The following MME variants were observed in gnomAD, a reference collection of about 807,000 sequenced individuals.
MME encodes the protein neprilysin.
A neutral mutation model predicts 113.2 loss-of-function variants in MME; 98 were observed. The ratio of observed to expected loss-of-function variants is 0.87; its 90% CI spans 0.74 to 1.02. The LOEUF is 1.02. Among genes scored for constraint, MME ranks in the 50% least tolerant of loss-of-function variants. The pLI, the probability that MME is intolerant of heterozygous loss-of-function variation, is 0.00. For missense variants in MME, 836 were observed against 896.0 expected (o/e 0.93, Z 0.86); for synonymous variants, 292 against 300.6 (o/e 0.97, Z 0.30).
At chr3:155,099,020 G>C (rs1716984002) in intron 3 of MME, among the ~76,000 whole-genome samples, 1 of 152,128 alleles carries the variant, frequency 6.6e-6, no homozygotes, top group Non-Finnish European at 1.5e-5. Flanking sequence ...GCTTAAATAA[G>C]CAGAGTGGAC....
chr3:155,085,387 CAT>C (rs1364105248), intron 3 of MME: 1 of 232,688 alleles, frequency 4.3e-6, no homozygotes, highest in Non-Finnish European at 8.3e-6. Context: ...AAAATGAACA[CAT>C]ATGAAATGGT....
intron 22 of MME, among the ~76,000 whole-genome samples, chr3:155,178,739 A>G (rs1441723577): frequency 6.6e-6 from 1 of 152,166 alleles, no homozygotes; most frequent in Non-Finnish European, 1.5e-5. Flanking sequence ...TCTCCCTCCT[A>G]TACTTTGTCA....
At chr3:155,054,087 AT>A (rs1315343505) in intron 1 of MME, among the ~76,000 whole-genome samples, 2 of 152,166 alleles carry the variant, frequency 1.3e-5, no homozygotes, top group African/African-American at 4.8e-5. Context: ...GAATAAATTT[AT>A]GTTGTTGTGT....
At chr3:155,087,377 C>G (rs936150059) in intron 3 of MME, among the ~76,000 whole-genome samples, 1 of 151,378 alleles carries the variant, frequency 6.6e-6, no homozygotes, top group Admixed American at 6.6e-5. Flanking sequence ...TAGCCATTTG[C>G]TGCTCGACAT....
chr3:155,037,143 C>T (rs1713154798), intron 1 of MME, among the ~76,000 whole-genome samples: 1 of 152,164 alleles, frequency 6.6e-6, no homozygotes, highest in Non-Finnish European at 1.5e-5. Context: ...GCAAGACTTG[C>T]TTTGACCCTC....
chr3:155,148,702 C>T, intron 16 of MME, 49 bp downstream of exon 16: 1 of 1,364,758 alleles, frequency 7.3e-7, no homozygotes, highest in East Asian at 2.3e-5. Flanking sequence ...CAGGTCTTTC[C>T]CTCCTTTCTT....
At position 155,160,435 on chromosome 3, in the gene MME, A is replaced by G. The variant is rs1268314328; in HGVS notation, c.1647A>G (p.Gly549=). Residue 549 remains glycine, a synonymous_variant, in exon 17 of 23, where the codon GGA becomes GGG. Coordinates refer to ENST00000360490, the MANE Select transcript of MME (RefSeq NM_007289.4). ...TAGTCAATGCATTTTACTCTTCAGG[A>G]AGAAATCAGATAGGTAAGGTGTATT... is the stretch of plus-strand genomic sequence containing the variant. ...AAVVNAFYSS[G]RNQIVFPAGI... 1.2e-6 allele frequency: 2 copies of G among 1,603,566 alleles called. No individual in the cohort carries two copies. The highest frequency in any genetic ancestry group is 1.7e-6 in the Non-Finnish European group (2 of 1,170,782).
At chr3:155,115,644 G>C (rs1315921343) in intron 4 of MME, among the ~76,000 whole-genome samples, 3 of 152,178 alleles carry the variant, frequency 2.0e-5, no homozygotes, top group Non-Finnish European at 4.4e-5. Context: ...GGCCAAGCTG[G>C]TCTTGAACTG....
At chr3:155,042,921 T>C (rs1434125016) in intron 1 of MME, among the ~76,000 whole-genome samples, 3 of 61,240 alleles carry the variant, frequency 4.9e-5, no homozygotes, top group African/African-American at 7.3e-5. Flanking sequence ...TATATATATA[T>C]ATATATATAT....
At chr3:155,158,826 G>A (rs1722498929) in intron 16 of MME, 1 of 151,790 alleles carries the variant, frequency 6.6e-6, no homozygotes, top group Non-Finnish European at 1.5e-5. Context: ...CTAAAATACT[G>A]ATGACTCGGC....
chr3:155,037,200 T>C, intron 1 of MME, among the ~76,000 whole-genome samples: 1 of 152,240 alleles, frequency 6.6e-6, no homozygotes, highest in East Asian at 1.9e-4. Flanking sequence ...CTGGGTTTCC[T>C]TACCATCCAT....
chr3:155,054,339 A>T (rs1326244757), intron 1 of MME, among the ~76,000 whole-genome samples: 1 of 151,912 alleles, frequency 6.6e-6, no homozygotes, highest in Non-Finnish European at 1.5e-5. Flanking sequence ...GCTCCTAGAT[A>T]ATTTTGGAAC....
At chr3:155,093,392 C>T (rs1471549201) in intron 3 of MME, among the ~76,000 whole-genome samples, 1 of 152,090 alleles carries the variant, frequency 6.6e-6, no homozygotes, top group Non-Finnish European at 1.5e-5. Flanking sequence ...CCTGGGGTTT[C>T]ACTTACAGAG....
intron 3 of MME, among the ~76,000 whole-genome samples, chr3:155,088,868 T>G (rs564333236): frequency 6.6e-6 from 1 of 152,286 alleles, no homozygotes; most frequent in East Asian, 1.9e-4. Context: ...ATATGAAAGA[T>G]GGCCCCAACT....
chr3:155,129,295 G>A (rs1719948889), intron 8 of MME, among the ~76,000 whole-genome samples: 1 of 152,036 alleles, frequency 6.6e-6, no homozygotes, highest in African/African-American at 2.4e-5. Flanking sequence ...TCTAATCGTA[G>A]GTCTCCTTTA....
chr3:155,172,461 C>A, intron 21 of MME, 75 bp from the exon 22 acceptor site: 1 of 1,183,236 alleles, frequency 8.5e-7, no homozygotes, highest in Non-Finnish European at 1.3e-6. Flanking sequence ...TTTCTCCTTC[C>A]CCTCAACTTG....
chr3:155,117,540 A>T (rs1208482475), intron 7 of MME, among the ~76,000 whole-genome samples: 2 of 150,764 alleles, frequency 1.3e-5, no homozygotes, highest in Non-Finnish European at 3.0e-5. Flanking sequence ...TAGATTAATG[A>T]CTATGTTTGG....
chr3:155,080,904 G>C (rs1401346515), intron 1 of MME: 1 of 152,140 alleles, frequency 6.6e-6, no homozygotes, highest in Non-Finnish European at 1.5e-5. Flanking sequence ...ATTTTTGTGG[G>C]TTCTAGCACT....
At chr3:155,137,166 A>G (rs915490359) in intron 8 of MME, among the ~76,000 whole-genome samples, 1 of 152,176 alleles carries the variant, frequency 6.6e-6, no homozygotes, top group Non-Finnish European at 1.5e-5. Flanking sequence ...AGTTATCAGA[A>G]GAAAACTAAT....
Sources: allele counts gnomAD v4.1 joint callset (sites outside exome capture counted in the v4.1 genomes callset), GRCh38; gene constraint gnomAD v4.1.1; transcripts MANE v1.5; gene names NCBI Gene and HGNC (gene_info 2026-07-23, HGNC 2026-07-21).